Variants in CSMD1 observed in about 807,000 individuals in gnomAD.
CSMD1 encodes CUB and Sushi multiple domains 1.
Under a neutral mutation model 417.5 loss-of-function variants are expected in CSMD1, and 213 were observed. The observed-to-expected ratio is 0.51, with a 90% CI of 0.46 to 0.57. The LOEUF is 0.57. CSMD1 is among the 20% of genes least tolerant of loss of function. The pLI, the probability that CSMD1 is intolerant of heterozygous loss-of-function variation, is 0.00. For missense variants in CSMD1, 6,923 were observed against 4,529.7 expected, an observed-to-expected ratio of 1.53 and a Z score of -15.17; for synonymous variants, 2,862 against 1,736.8, an observed-to-expected ratio of 1.65 and a Z score of -16.11.
chr8:3,536,753 A>T (rs1028390451), intron 10 of CSMD1, among the ~76,000 whole-genome samples: 1 of 152,098 alleles, frequency 6.6e-6, no homozygotes, highest in Non-Finnish European at 1.5e-5. Flanking sequence ...AATACCCAAA[A>T]GTGTCCATTG....
In CSMD1 at chr8:3,227,731, G is replaced by A. The variant is rs190308757; in HGVS notation, c.4345+2309C>T. Among the ~76,000 whole-genome samples, 11 of 150,794 alleles carry A rather than the reference G, an allele frequency of 7.3e-5. No homozygotes were observed. In the East Asian group the frequency reaches 9.7e-4, roughly 13 times the overall value. On this transcript the variant is annotated intron_variant, in intron 27 of 69. Coordinates refer to ENST00000635120, the MANE Select transcript of CSMD1 (RefSeq NM_033225.6). ...CTGGTAAGTAAAAAGTGCAATTTAC[G>A]AAACAGTCAAGCAGGATGTTGTCAT...
intron 1 of CSMD1, among the ~76,000 whole-genome samples, chr8:4,878,595 T>C (rs1191420154): frequency 6.6e-6 from 1 of 151,940 alleles, no homozygotes; most frequent in East Asian, 1.9e-4. Flanking sequence ...GCATAATTTC[T>C]ATCACCAGTT....
chr8:3,744,763 C>T (rs1796984431), intron 6 of CSMD1, among the ~76,000 whole-genome samples: 2 of 152,146 alleles, frequency 1.3e-5, no homozygotes, highest in East Asian at 1.9e-4. Context: ...TAGGTACTCT[C>T]AAGACTTGGT....
intron 1 of CSMD1, among the ~76,000 whole-genome samples, chr8:4,698,471 G>T (rs1807280291): frequency 6.6e-6 from 1 of 152,114 alleles, no homozygotes; most frequent in Non-Finnish European, 1.5e-5. Context: ...GTTCTCATAA[G>T]GCAGTTGGGA....
intron 23 of CSMD1, among the ~76,000 whole-genome samples, chr8:3,340,056 G>T (rs1807546452): frequency 6.6e-6 from 1 of 152,068 alleles, no homozygotes; most frequent in African/African-American, 2.4e-5. Context: ...TTCTTCCCAG[G>T]CAATTCCTCT....
chr8:3,556,559 C>CTG (rs1486590265), intron 10 of CSMD1, among the ~76,000 whole-genome samples: 1 of 150,542 alleles, frequency 6.6e-6, no homozygotes, highest in African/African-American at 2.5e-5. Flanking sequence ...CACCCTCTCT[C>CTG]TCTTTCAGAA....
At chr8:3,197,978 A>G (rs1011148717) in intron 33 of CSMD1, among the ~76,000 whole-genome samples, 1 of 152,210 alleles carries the variant, frequency 6.6e-6, no homozygotes, top group Admixed American at 6.5e-5. Context: ...AGAAGGAGGT[A>G]TATTAGAAAT....
intron 23 of CSMD1, among the ~76,000 whole-genome samples, chr8:3,340,108 T>C (rs6993683): frequency 0.039 from 5,890 of 152,234 alleles, 370 homozygotes; most frequent in African/African-American, 0.13. Context: ...GCCTGCCAAA[T>C]GAGGATCACC....
intron 3 of CSMD1, among the ~76,000 whole-genome samples, chr8:4,206,201 C>CT (rs1460307673): frequency 1.3e-5 from 2 of 152,032 alleles, no homozygotes; most frequent in African/African-American, 2.4e-5. Context: ...ATTTCTTTTT[C>CT]TTTTTTTAAA....
chr8:3,882,007 G>A (rs533032710), intron 5 of CSMD1, among the ~76,000 whole-genome samples: 4 of 152,044 alleles, frequency 2.6e-5, no homozygotes, highest in Admixed American at 6.6e-5. Context: ...AATATTCTAC[G>A]ATGTCTGATG....
At chr8:3,367,442 A>G (rs113566667) in intron 19 of CSMD1, among the ~76,000 whole-genome samples, 195 bp from the exon 20 acceptor site, 76 of 152,058 alleles carry the variant, frequency 5.0e-4, no homozygotes, top group African/African-American at 1.8e-3. Flanking sequence ...GAGATGAGAC[A>G]GAGATGGAGA....
intron 10 of CSMD1, among the ~76,000 whole-genome samples, chr8:3,504,390 G>A (rs879909389): frequency 2.6e-5 from 4 of 152,108 alleles, no homozygotes; most frequent in South Asian, 2.1e-4. Context: ...GAATGATGCC[G>A]ATTTCCCTGG....
Position 3,367,091 on chromosome 8 carries a change from T to C in CSMD1, c.3056A>G (p.Gln1019Arg). ...TGAGAAGTCTGATATAAACCGAAGC[T>C]GGGCAGTGAAGTTTCCAAACAGGCC... is the stretch of plus-strand genomic sequence containing the variant. Reference protein sequence around the residue: ...KAGLFGNFTAQLRFISDFSIS... With the variant: ...KAGLFGNFTARLRFISDFSIS... Residue 1019 changes from glutamine to arginine, a missense_variant, in exon 20 of 70, where the codon CAG becomes CGG. Gln to Arg is a conservative substitution (Grantham distance 43). Transcript: ENST00000635120. The C allele has an allele frequency of 6.2e-7, 1 of 1,613,832 alleles. No individual in the cohort carries two copies. Among genetic ancestry groups the C allele is most frequent in the East Asian group, 2.2e-5 (1 of 44,850 alleles).
At chr8:3,531,056 T>G (rs1485803080) in intron 10 of CSMD1, among the ~76,000 whole-genome samples, 1 of 151,582 alleles carries the variant, frequency 6.6e-6, no homozygotes, top group African/African-American at 2.4e-5. Flanking sequence ...AGAAGGGGTT[T>G]TGCCATGTTG....
At chr8:3,874,770 G>C (rs1317512297) in intron 5 of CSMD1, among the ~76,000 whole-genome samples, 1 of 152,108 alleles carries the variant, frequency 6.6e-6, no homozygotes, top group Non-Finnish European at 1.5e-5. Context: ...TGACGGGGAA[G>C]GACAGGGTTT....
At chr8:3,314,108 C>T (rs976115854) in intron 23 of CSMD1, among the ~76,000 whole-genome samples, 58 of 149,046 alleles carry the variant, frequency 3.9e-4, no homozygotes, top group East Asian at 3.0e-3. Flanking sequence ...CATCACACAC[C>T]GGAGCCTGTT....
At chr8:4,241,815 A>G (rs763559007) in intron 3 of CSMD1, among the ~76,000 whole-genome samples, 1 of 151,360 alleles carries the variant, frequency 6.6e-6, no homozygotes, top group Non-Finnish European at 1.5e-5. Flanking sequence ...GGTTCACGCC[A>G]TTCTCCTGTC....
intron 6 of CSMD1, among the ~76,000 whole-genome samples, chr8:3,750,233 G>A (rs760036897): frequency 2.6e-5 from 4 of 151,852 alleles, no homozygotes; most frequent in Non-Finnish European, 5.9e-5. Context: ...AATGATAAAC[G>A]TGACTACAAT....
At chr8:4,199,596 G>C (rs774955695) in intron 3 of CSMD1, among the ~76,000 whole-genome samples, 5 of 152,132 alleles carry the variant, frequency 3.3e-5, no homozygotes, top group African/African-American at 4.8e-5. Flanking sequence ...ATTTATCTTT[G>C]ATTCCTCCTC....
Sources: gnomAD v4.1 joint callset for allele counts (sites outside exome capture counted in the v4.1 genomes callset) on GRCh38, gnomAD v4.1.1 for gene constraint, MANE v1.5 for transcripts, NCBI Gene and HGNC (gene_info 2026-07-23, HGNC 2026-07-21) for gene names.